The following ARRB1 variants were observed in gnomAD, a reference collection of about 807,000 sequenced individuals.
The protein encoded by ARRB1 is arrestin beta 1.
A neutral mutation model predicts 56.8 loss-of-function variants in ARRB1; 21 were observed. The ratio of observed to expected loss-of-function variants is 0.37; its 90% confidence interval spans 0.26 to 0.53. The LOEUF is 0.53. ARRB1 is among the 20% of genes least tolerant of loss of function. ARRB1 has a pLI of 0.88. For missense variants in ARRB1, 424 were observed against 553.7 expected, an observed-to-expected ratio of 0.77 and a Z score of 2.35; for synonymous variants, 210 against 218.6, an observed-to-expected ratio of 0.96 and a Z score of 0.35.
At chr11:75,268,229 G>C (rs926474799) in intron 14 of ARRB1, among the ~76,000 whole-genome samples, 2 of 152,124 alleles carry the variant, frequency 1.3e-5, no homozygotes, top group Non-Finnish European at 2.9e-5. Flanking sequence ...GCCAGGCCAG[G>C]CATGGTAGCT....
chr11:75,315,919 T>C (rs561400426), intron 1 of ARRB1, among the ~76,000 whole-genome samples: 2 of 152,190 alleles, frequency 1.3e-5, no homozygotes, highest in Non-Finnish European at 2.9e-5. Context: ...ACGCCACCCC[T>C]ACTCTATGAT....
At chr11:75,289,023 G>A (rs529865856) in intron 2 of ARRB1, among the ~76,000 whole-genome samples, 86 of 152,148 alleles carry the variant, frequency 5.7e-4, no homozygotes, top group Admixed American at 1.4e-3. Context: ...GAGAGGGGAC[G>A]GGGAGCTGTC....
chr11:75,347,313 C>T (rs1947785655), intron 1 of ARRB1, among the ~76,000 whole-genome samples: 1 of 152,368 alleles, frequency 6.6e-6, no homozygotes, highest in East Asian at 1.9e-4. Flanking sequence ...CCCCATGTTC[C>T]AGCCAAGATG....
At chr11:75,267,623 C>T (rs374607452) in intron 15 of ARRB1, 29 bp downstream of exon 15, 47 of 1,557,332 alleles carry the variant, frequency 3.0e-5, no homozygotes, top group Admixed American at 2.6e-4. Flanking sequence ...GGCCCACCCC[C>T]GGATGTCTGC....
intron 1 of ARRB1, among the ~76,000 whole-genome samples, chr11:75,295,662 G>A (rs540232546): frequency 1.3e-5 from 2 of 152,296 alleles, no homozygotes; most frequent in African/African-American, 4.8e-5. Context: ...AGGTTCCAAG[G>A]ATTATGATGT....
chr11:75,301,017 G>A (rs1240963538), intron 1 of ARRB1, among the ~76,000 whole-genome samples: 3 of 151,076 alleles, frequency 2.0e-5, no homozygotes, highest in Admixed American at 6.6e-5. Context: ...GGTCGTGGGC[G>A]CCTGTAGTCC....
At chr11:75,287,562 C>G (rs1444296387) in intron 2 of ARRB1, among the ~76,000 whole-genome samples, 187 bp from the exon 3 acceptor site, 1 of 152,248 alleles carries the variant, frequency 6.6e-6, no homozygotes, top group Non-Finnish European at 1.5e-5. Context: ...CCTGTAAAAT[C>G]TTAAAAGCAC....
chr11:75,287,239 G>T (rs1946502204), intron 3 of ARRB1, 76 bp downstream of exon 3: 1 of 1,465,568 alleles, frequency 6.8e-7, no homozygotes, highest in African/African-American at 1.4e-5. Flanking sequence ...CCCCTCTGGA[G>T]AGCTGAGAGC....
At chr11:75,342,354 G>C (rs1227335750) in intron 1 of ARRB1, among the ~76,000 whole-genome samples, 1 of 152,144 alleles carries the variant, frequency 6.6e-6, no homozygotes, top group African/African-American at 2.4e-5. Context: ...GGGCCAAGGA[G>C]CAATGCTTGG....
chr11:75,340,982 G>A (rs1436550872), intron 1 of ARRB1, among the ~76,000 whole-genome samples: 2 of 152,026 alleles, frequency 1.3e-5, no homozygotes, highest in Non-Finnish European at 2.9e-5. Context: ...GAGCTTCTCC[G>A]CTGGCCGGCA....
At position 75,261,514 on chromosome 11, in the gene ARRB1, A is replaced by G. The variant is rs1457373339; in HGVS notation, c.*4649T>C. 1 of 152,184 alleles carries G rather than the reference A, an allele frequency of 6.6e-6. No individual in the cohort carries two copies. Among genetic ancestry groups the G allele is most frequent in the Non-Finnish European group, 1.5e-5 (1 of 68,038 alleles). 9.4% of individuals were successfully genotyped at this position (152,184 alleles called of 1,614,324 possible). On this transcript the variant is annotated 3_prime_UTR_variant, in exon 16 of 16. Coordinates refer to ENST00000420843, the MANE Select transcript of ARRB1 (RefSeq NM_004041.5). ...TCTTCCCACTTTAGCATCCCCTGACAAAGCTCTGTGGAATATCAGGGGTTC... is the reference window on the plus strand; with the variant it reads ...TCTTCCCACTTTAGCATCCCCTGACGAAGCTCTGTGGAATATCAGGGGTTC...
At chr11:75,296,566 T>G (rs1371926829) in intron 1 of ARRB1, among the ~76,000 whole-genome samples, 2 of 152,182 alleles carry the variant, frequency 1.3e-5, no homozygotes, top group African/African-American at 2.4e-5. Context: ...TGTCCCTTTG[T>G]GCCTGTCAGG....
chr11:75,270,635 A>G (rs957664952), intron 13 of ARRB1, among the ~76,000 whole-genome samples: 2 of 151,980 alleles, frequency 1.3e-5, no homozygotes, highest in African/African-American at 4.8e-5. Flanking sequence ...TCAAAAAAAA[A>G]AAAAAAAATT....
chr11:75,265,720 CA>C lies in ARRB1; in HGVS notation c.*442del. 5.5e-6 allele frequency: 1 copy of C among 180,186 alleles called. No homozygotes were observed. Among genetic ancestry groups the C allele is most frequent in the Admixed American group, 5.7e-5 (1 of 17,528 alleles). 11.2% of individuals were successfully genotyped at this position (180,186 alleles called of 1,614,324 possible). A position where few individuals can be genotyped will look rare whatever the true frequency, so the allele number is the denominator to read the frequency against. ...AGAAGGAGGTGGCCTTCAACGCGGTCATCTTTTAGCTGCCAGAACTTTGTTA... is the reference window on the plus strand; with the variant it reads ...AGAAGGAGGTGGCCTTCAACGCGGTCTCTTTTAGCTGCCAGAACTTTGTTA... On this transcript the variant is annotated 3_prime_UTR_variant, in exon 16 of 16. Transcript: ENST00000420843.
intron 1 of ARRB1, among the ~76,000 whole-genome samples, chr11:75,342,912 C>T (rs1947712781): frequency 6.6e-6 from 1 of 152,158 alleles, no homozygotes; most frequent in Non-Finnish European, 1.5e-5. Flanking sequence ...GTGACCTCTG[C>T]CCTTTAGGTC....
At chr11:75,288,276 C>T (rs1041505885) in intron 2 of ARRB1, among the ~76,000 whole-genome samples, 1 of 152,266 alleles carries the variant, frequency 6.6e-6, no homozygotes, top group African/African-American at 2.4e-5. Flanking sequence ...AACAAATGCA[C>T]CACCTCACAC....
rs78375975 is a variant in ARRB1 at position 75,307,481 on chromosome 11, T to C, written c.21-17442A>G. Among the ~76,000 whole-genome samples the C allele has an allele frequency of 5.3e-5, 8 of 152,252 alleles. No homozygotes were observed. The East Asian group carries it at 1.4e-3, about 26-fold the overall frequency. Reference sequence around the variant, plus strand: ...CAGCTCCTACAGAACAAGAGGACTGTGTCCCCTCTGTTACACAGAGAGTCC... The same window carrying C: ...CAGCTCCTACAGAACAAGAGGACTGCGTCCCCTCTGTTACACAGAGAGTCC... On this transcript the variant is annotated intron_variant, in intron 1 of 15. Transcript: ENST00000420843.
At position 75,263,863 on chromosome 11, in the gene ARRB1, A is replaced by G. The variant is rs1392076432; in HGVS notation, c.*2300T>C. On this transcript the variant is annotated 3_prime_UTR_variant, in exon 16 of 16. Transcript: ENST00000420843. ...TGAGGTGCAGGAGGCTCGGGAAACC[A>G]GCCTGACAAACGTTTTCCATGCATG... 6.6e-6 allele frequency among the ~76,000 whole-genome samples: 1 copy of G among 152,240 alleles called. No individual in the cohort carries two copies. The highest frequency in any genetic ancestry group is 2.4e-5 in the African/African-American group (1 of 41,460).
intron 13 of ARRB1, chr11:75,269,294 TGGGACCCCCCCCCA>T: frequency 2.1e-6 from 1 of 471,700 alleles, no homozygotes. Flanking sequence ...AGAGGTGCCC[TGGGACCCCCCCCCA>T]CCTCAAATCG....
Sources: allele counts gnomAD v4.1 joint callset (sites outside exome capture counted in the v4.1 genomes callset), GRCh38; gene constraint gnomAD v4.1.1; transcripts MANE v1.5; gene names NCBI Gene and HGNC (gene_info 2026-07-23, HGNC 2026-07-21).